Variants in TRHDE observed in about 807,000 individuals in gnomAD.
TRHDE encodes the protein thyrotropin releasing hormone degrading enzyme, also known as thyrotropin-releasing hormone-degrading ectoenzyme.
A neutral mutation model predicts 125.7 loss-of-function variants in TRHDE; 72 were observed. That is an observed-to-expected ratio of 0.57 (90% CI 0.47 to 0.70). The LOEUF (loss-of-function observed/expected upper bound fraction) is 0.70, where lower values mean the gene tolerates loss of function less well. TRHDE is among the 30% of genes least tolerant of loss of function. TRHDE has a pLI of 0.00. For missense variants in TRHDE, 1,110 were observed against 1,327.1 expected, an observed-to-expected ratio of 0.84 and a Z score of 2.54; for synonymous variants, 509 against 509.1, an observed-to-expected ratio of 1.00 and a Z score of 0.00.
chr12:72,116,803 G>A (rs915188469), intron 2 of TRHDE, among the ~76,000 whole-genome samples: 17 of 152,014 alleles, frequency 1.1e-4, no homozygotes, highest in Admixed American at 6.6e-5. Flanking sequence ...TCTGATGATA[G>A]TTTCTTTAGC....
At chr12:72,198,799 C>A (rs560858980) in intron 2 of TRHDE, among the ~76,000 whole-genome samples, 1 of 152,248 alleles carries the variant, frequency 6.6e-6, no homozygotes, top group South Asian at 2.1e-4. Flanking sequence ...AAGATACAAC[C>A]TGAGACTGGG....
chr12:72,480,332 C>T (rs1592477438), intron 5 of TRHDE, among the ~76,000 whole-genome samples: 2 of 151,534 alleles, frequency 1.3e-5, no homozygotes, highest in Admixed American at 1.3e-4. Flanking sequence ...CTGTTGTTTC[C>T]TGACTTTTTA....
At chr12:72,448,552 G>T (rs982295240) in intron 3 of TRHDE, among the ~76,000 whole-genome samples, 2 of 151,956 alleles carry the variant, frequency 1.3e-5, no homozygotes, top group Non-Finnish European at 2.9e-5. Flanking sequence ...AAAATTATTT[G>T]AAGGTTAAAT....
At chr12:72,265,384 A>G (rs1161331051) in intron 2 of TRHDE, among the ~76,000 whole-genome samples, 1 of 151,912 alleles carries the variant, frequency 6.6e-6, no homozygotes, top group Non-Finnish European at 1.5e-5. Flanking sequence ...TCTCAGAAAA[A>G]CATGTACAGA....
intron 2 of TRHDE, among the ~76,000 whole-genome samples, chr12:72,335,272 G>T (rs1869780241): frequency 6.6e-6 from 1 of 152,154 alleles, no homozygotes; most frequent in Non-Finnish European, 1.5e-5. Flanking sequence ...ATTTCAGGGA[G>T]TACACCCCAT....
chr12:72,320,072 C>T (rs1046166595), intron 2 of TRHDE, among the ~76,000 whole-genome samples: 13 of 151,948 alleles, frequency 8.6e-5, no homozygotes, highest in African/African-American at 3.1e-4. Context: ...GTTATTTTAT[C>T]TACCCTACTT....
chr12:72,518,104 A>G (rs1398072551), intron 6 of TRHDE, among the ~76,000 whole-genome samples: 1 of 150,422 alleles, frequency 6.6e-6, no homozygotes, highest in African/African-American at 2.5e-5. Flanking sequence ...TGTGGTGCTG[A>G]AAAAAATGTA....
At chr12:72,271,033 TCGTTCAC>T (rs1229609960), upstream of TRHDE, among the ~76,000 whole-genome samples, 1 of 152,222 alleles carries the variant, frequency 6.6e-6, no homozygotes, top group Non-Finnish European at 1.5e-5. Flanking sequence ...TGGAATGTAT[TCGTTCAC>T]CGTTCTAATA....
chr12:72,316,144 G>T (rs188046660), intron 2 of TRHDE, among the ~76,000 whole-genome samples: 3 of 152,142 alleles, frequency 2.0e-5, no homozygotes, highest in African/African-American at 7.2e-5. Context: ...CAAATCCAAG[G>T]AAATTTTTCC....
At chr12:72,392,068 C>A (rs1344955751) in intron 3 of TRHDE, among the ~76,000 whole-genome samples, 1 of 152,108 alleles carries the variant, frequency 6.6e-6, no homozygotes, top group Non-Finnish European at 1.5e-5. Flanking sequence ...GAGGACAAAG[C>A]AAGAGGATGG....
At chr12:72,352,922 A>G (rs1870647084) in intron 2 of TRHDE, among the ~76,000 whole-genome samples, 1 of 151,314 alleles carries the variant, frequency 6.6e-6, no homozygotes, top group Admixed American at 6.6e-5. Context: ...CTCTGAGAAA[A>G]TTTGACAGAA....
intron 1 of TRHDE, among the ~76,000 whole-genome samples, chr12:72,102,603 A>G (rs902228971): frequency 2.6e-5 from 4 of 152,190 alleles, no homozygotes; most frequent in African/African-American, 9.7e-5. Flanking sequence ...TGGGTTACCA[A>G]AAAATATATA....
In TRHDE at chr12:72,192,513, C is replaced by G. The variant is rs138394111; in HGVS notation, n.279+86761C>G. ...TCGAAAGAAGGCAGAGAATTTAAGGCTGTGATTGAAAGCACTGACAGAGTT... is the reference window on the plus strand; with the variant it reads ...TCGAAAGAAGGCAGAGAATTTAAGGGTGTGATTGAAAGCACTGACAGAGTT... On this transcript the variant is annotated intron_variant and non_coding_transcript_variant, in intron 2 of 4. Transcript: ENST00000548156. Among the ~76,000 whole-genome samples, 103 of 152,138 alleles carry G rather than the reference C, an allele frequency of 6.8e-4. 1 individual carries two copies. In the East Asian group the frequency reaches 0.016, roughly 24 times the overall value.
intron 2 of TRHDE, among the ~76,000 whole-genome samples, chr12:72,290,532 G>A (rs1880047248): frequency 1.3e-5 from 2 of 152,212 alleles, no homozygotes; most frequent in African/African-American, 4.8e-5. Flanking sequence ...CTGTAGGCTA[G>A]GAATTTGGAA....
intron 3 of TRHDE, among the ~76,000 whole-genome samples, chr12:72,404,183 G>A (rs1873168371): frequency 6.6e-6 from 1 of 152,138 alleles, no homozygotes; most frequent in South Asian, 2.1e-4. Context: ...GGAGGCTGAG[G>A]CGGGTGGATC....
intron 6 of TRHDE, among the ~76,000 whole-genome samples, chr12:72,536,300 T>C (rs553042350): frequency 2.6e-5 from 4 of 152,252 alleles, no homozygotes; most frequent in Non-Finnish European, 2.9e-5. Context: ...GTCCAGATTT[T>C]CTAAGAAGGA....
intron 12 of TRHDE, among the ~76,000 whole-genome samples, chr12:72,594,505 T>TTTG (rs1871842167): frequency 6.7e-6 from 1 of 150,048 alleles, no homozygotes; most frequent in Admixed American, 6.6e-5. Flanking sequence ...GATGTGAGTT[T>TTTG]TTTTTTTTTT....
chr12:72,533,453 G>A (rs993741804), intron 6 of TRHDE, among the ~76,000 whole-genome samples: 15 of 152,098 alleles, frequency 9.9e-5, no homozygotes, highest in Non-Finnish European at 1.9e-4. Context: ...GATTACAGGC[G>A]TGAGCCACCA....
At chr12:72,469,626 A>C in intron 3 of TRHDE, 132 bp from the exon 4 acceptor site, 2 of 949,684 alleles carry the variant, frequency 2.1e-6, no homozygotes, top group Non-Finnish European at 1.6e-6. Context: ...CAAGTAGTTT[A>C]ATTTGCCAAA....
Sources: allele counts gnomAD v4.1 joint callset (sites outside exome capture counted in the v4.1 genomes callset), GRCh38; gene constraint gnomAD v4.1.1; transcripts MANE v1.5; gene names NCBI Gene and HGNC (gene_info 2026-07-23, HGNC 2026-07-21).